The following BAG2 variants were observed in gnomAD, a reference collection of about 807,000 sequenced individuals.
BAG2 encodes the protein BAG family molecular chaperone regulator 2.
In BAG2, 8 loss-of-function variants were observed where a neutral mutation model predicts 16.4. That is an observed-to-expected ratio of 0.49 (90% CI 0.29 to 0.88). BAG2 has a LOEUF of 0.88. BAG2 is among the 40% of genes least tolerant of loss of function. The pLI is 0.09. For synonymous variants in BAG2, 82 were observed against 89.2 expected (o/e 0.92, Z 0.46); for missense variants, 218 against 248.9 (o/e 0.88, Z 0.84).
Position 57,188,189 on chromosome 6 carries a change from A to G in BAG2, c.*3999A>G, listed in dbSNP as rs1279558840. On this transcript the variant is annotated 3_prime_UTR_variant, in exon 3 of 3. Transcript: ENST00000370693. ...ATTTAAGAGAATGAAGGGTCTTGGA[A>G]AAAAAATGTCAATTTTTGAAGGCTT... is the stretch of plus-strand genomic sequence containing the variant. 1 of 152,120 alleles carries G rather than the reference A, an allele frequency of 6.6e-6. No individual in the cohort carries two copies. Among genetic ancestry groups the G allele is most frequent in the Non-Finnish European group, 1.5e-5 (1 of 68,000 alleles). The allele number at this position is 152,120 out of a possible 1,614,324, so 9.4% of individuals were successfully genotyped here.
chr6:57,176,237 T>C (rs1351162865), intron 1 of BAG2, among the ~76,000 whole-genome samples: 1 of 152,192 alleles, frequency 6.6e-6, no homozygotes, highest in Non-Finnish European at 1.5e-5. Context: ...AAATTGAGGC[T>C]TAGAAGCTTA....
rs1298298660 is a variant in BAG2 at position 57,188,589 on chromosome 6, G to A, written c.*4399G>A. The A allele has an allele frequency of 6.6e-6, 1 of 152,142 alleles. No homozygotes were observed. Among genetic ancestry groups the A allele is most frequent in the African/African-American group, 2.4e-5 (1 of 41,440 alleles). 9.4% of individuals were successfully genotyped at this position (152,142 alleles called of 1,614,324 possible). A position where few individuals can be genotyped will look rare whatever the true frequency, so the allele number is the denominator to read the frequency against. ...CAAAAATTAAAGAGGAGAGTAGAGAGTAGAAAATTGAAGAGAGTAGAAAAG... is the reference window on the plus strand; with the variant it reads ...CAAAAATTAAAGAGGAGAGTAGAGAATAGAAAATTGAAGAGAGTAGAAAAG... On this transcript the variant is annotated 3_prime_UTR_variant, in exon 3 of 3. Transcript: ENST00000370693.
chr6:57,173,710 T>C (rs1764196074), intron 1 of BAG2: 1 of 210,998 alleles, frequency 4.7e-6, no homozygotes, highest in Non-Finnish European at 8.2e-6. Flanking sequence ...TGAGCAGGTG[T>C]AGTTAAAAGA....
Position 57,184,335 on chromosome 6 carries a change from A to G in BAG2, c.*145A>G. 1 of 710,164 alleles carries G rather than the reference A, an allele frequency of 1.4e-6. No homozygotes were observed. Among genetic ancestry groups the G allele is most frequent in the Non-Finnish European group, 2.0e-6 (1 of 492,024 alleles). The allele number at this position is 710,164 out of a possible 1,614,324, so 44.0% of individuals were successfully genotyped here. ...AGATGAGGAAAATATTCCATCAAGT[A>G]TCTTCAGTTTTGTGAATAACAAAAC... is the stretch of plus-strand genomic sequence containing the variant. On this transcript the variant is annotated 3_prime_UTR_variant, in exon 3 of 3. Transcript: ENST00000370693.
At chr6:57,179,016 C>T (rs576568121) in intron 1 of BAG2, among the ~76,000 whole-genome samples, 5 of 152,142 alleles carry the variant, frequency 3.3e-5, no homozygotes, top group Non-Finnish European at 5.9e-5. Flanking sequence ...GAATACAAAC[C>T]GAAAAGGTGT....
At position 57,173,307 on chromosome 6, in the gene BAG2, AAC is replaced by A. The variant is rs558435376; in HGVS notation, c.113+499_113+500del. ...CTTGCTTCAGAACAAAAATGAATAA[AAC>A]AAAACCAACCCAGCAATCCATTGAG... On this transcript the variant is annotated intron_variant, in intron 1 of 2. Coordinates refer to ENST00000370693, the MANE Select transcript of BAG2 (RefSeq NM_004282.4). 1.9e-5 allele frequency: 19 copies of A among 985,520 alleles called. No individual in the cohort carries two copies. In the East Asian group the frequency reaches 1.9e-3, roughly 100 times the overall value. The allele number at this position is 985,520 out of a possible 1,614,324, so 61.0% of individuals were successfully genotyped here.
Position 57,183,830 on chromosome 6 carries a change from C to A in BAG2, c.276C>A (p.Leu92=). 1 of 1,609,966 alleles carries A rather than the reference C, an allele frequency of 6.2e-7. No homozygotes were observed. Among genetic ancestry groups the A allele is most frequent in the Non-Finnish European group, 8.5e-7 (1 of 1,178,664 alleles). The change falls in exon 3 of 3, where the codon CTC becomes CTA. Residue 92 remains leucine (L), a synonymous_variant. Transcript: ENST00000370693. ...CAAACCGTTTGATGGGAAGAACTCT[C>A]ACCGTTGAAGTGTCAGTAGAAACAA... ...LTANRLMGRT[L]TVEVSVETIR...
At position 57,185,281 on chromosome 6, in the gene BAG2, T is replaced by TG. The variant is rs1764590554; in HGVS notation, c.*1091_*1092insG. The TG allele has an allele frequency of 1.3e-5, 2 of 152,202 alleles. No homozygotes were observed. Among genetic ancestry groups the TG allele is most frequent in the South Asian group, 4.1e-4 (2 of 4,828 alleles). The allele number at this position is 152,202 out of a possible 1,614,324, so 9.4% of individuals were successfully genotyped here. A position where few individuals can be genotyped will look rare whatever the true frequency, so the allele number is the denominator to read the frequency against. ...TTTACTAAAAAGGTTGACCAGTGTG[T>TG]TGATTCTTCTTTTATCTGATAAAGT... On this transcript the variant is annotated 3_prime_UTR_variant, in exon 3 of 3. Transcript: ENST00000370693.
At chr6:57,174,234 C>T in intron 1 of BAG2, 1 of 1,198,330 alleles carries the variant, frequency 8.3e-7, no homozygotes, top group Non-Finnish European at 1.1e-6. Flanking sequence ...CACATCTCTC[C>T]ATGTCTTCAG....
At position 57,172,515 on chromosome 6, in the gene BAG2, C is replaced by A. The variant is rs570102176; in HGVS notation, c.-183C>A. On this transcript the variant is annotated 5_prime_UTR_variant, in exon 1 of 3. It adds an upstream start codon to the 5' untranslated region. Coordinates refer to ENST00000370693, the MANE Select transcript of BAG2 (RefSeq NM_004282.4). ...TCCCCGAGCCCCGCGGGCGCCGCGC[C>A]TGCCCTTCTTTGGCTACGCTGCAGC... 4.4e-6 allele frequency: 2 copies of A among 457,466 alleles called. No homozygotes were observed. Among genetic ancestry groups the A allele is most frequent in the Admixed American group, 4.6e-5 (1 of 21,778 alleles). 28.3% of individuals were successfully genotyped at this position (457,466 alleles called of 1,614,324 possible).
In BAG2 at chr6:57,188,613, A is replaced by AGAT. The variant is rs1201671651; in HGVS notation, c.*4426_*4428dup. On this transcript the variant is annotated 3_prime_UTR_variant, in exon 3 of 3. Transcript: ENST00000370693. Reference sequence around the variant, plus strand: ...AGTAGAAAATTGAAGAGAGTAGAAAAGATGACTCATTAGCAGTATCCACTG... The same window carrying AGAT: ...AGTAGAAAATTGAAGAGAGTAGAAAAGATGATGACTCATTAGCAGTATCCACTG... The AGAT allele has an allele frequency of 1.3e-5, 2 of 152,134 alleles. No individual in the cohort carries two copies. Among genetic ancestry groups the AGAT allele is most frequent in the African/African-American group, 2.4e-5 (1 of 41,422 alleles). The allele number at this position is 152,134 out of a possible 1,614,324, so 9.4% of individuals were successfully genotyped here. A position where few individuals can be genotyped will look rare whatever the true frequency, so the allele number is the denominator to read the frequency against.
Position 57,172,693 on chromosome 6 carries a change from C to T in BAG2, c.-5C>T. The T allele has an allele frequency of 1.3e-6, 2 of 1,551,644 alleles. No homozygotes were observed. Among genetic ancestry groups the T allele is most frequent in the Non-Finnish European group, 1.7e-6 (2 of 1,151,122 alleles). ...CCTCTTGGCTACCCCGCGTCGGAGG[C>T]TTAGATGGCTCAGGCGAAGATCAAC... On this transcript the variant is annotated 5_prime_UTR_variant, in exon 1 of 3. Transcript: ENST00000370693.
At position 57,184,236 on chromosome 6, in the gene BAG2, G is replaced by T; in HGVS notation, c.*46G>T. 1 of 1,417,036 alleles carries T rather than the reference G, an allele frequency of 7.1e-7. No homozygotes were observed. Among genetic ancestry groups the T allele is most frequent in the South Asian group, 1.9e-5 (1 of 53,192 alleles). The allele number at this position is 1,417,036 out of a possible 1,614,324, so 87.8% of individuals were successfully genotyped here. On this transcript the variant is annotated 3_prime_UTR_variant, in exon 3 of 3. Transcript: ENST00000370693. ...TACACAATACACAAGGTGTAAAAATGATAAAATACTATTTTAATTGATAAC... is the reference window on the plus strand; with the variant it reads ...TACACAATACACAAGGTGTAAAAATTATAAAATACTATTTTAATTGATAAC...
intron 1 of BAG2, among the ~76,000 whole-genome samples, chr6:57,178,708 TA>T (rs1488017195): frequency 1.3e-5 from 2 of 151,976 alleles, no homozygotes; most frequent in Non-Finnish European, 2.9e-5. Context: ...AGAAGTTCTA[TA>T]AATGATGAAA....
chr6:57,184,578 C>G lies in BAG2; in HGVS notation c.*388C>G, dbSNP rs1328046051. 1 of 157,644 alleles carries G rather than the reference C, an allele frequency of 6.3e-6. No individual in the cohort carries two copies. Among genetic ancestry groups the G allele is most frequent in the Non-Finnish European group, 1.4e-5 (1 of 71,526 alleles). 9.8% of individuals were successfully genotyped at this position (157,644 alleles called of 1,614,324 possible). On this transcript the variant is annotated 3_prime_UTR_variant, in exon 3 of 3. Transcript: ENST00000370693. ...TTTACTAGAAATTCTTTACCTTAAG[C>G]AGCACACACATTTACTACACACACA...
intron 2 of BAG2, 143 bp from the exon 3 acceptor site, chr6:57,183,635 C>T (rs889979654): frequency 3.2e-6 from 2 of 617,060 alleles, no homozygotes; most frequent in South Asian, 3.1e-5. Context: ...TACATTTCAT[C>T]AGTTAATCTT....
In BAG2 at chr6:57,187,248, G is replaced by A. The variant is rs543244907; in HGVS notation, c.*3058G>A. On this transcript the variant is annotated 3_prime_UTR_variant, in exon 3 of 3. Transcript: ENST00000370693. The stretch of plus-strand genomic sequence containing the variant: ...ACATCCTACTGTAGATATTTCGAGA[G>A]ACAGATGAAAATAATAATAATAAAG... 6.6e-6 allele frequency: 1 copy of A among 152,194 alleles called. No homozygotes were observed. The highest frequency in any genetic ancestry group is 2.1e-4 in the South Asian group (1 of 4,822). 9.4% of individuals were successfully genotyped at this position (152,194 alleles called of 1,614,324 possible). A position where few individuals can be genotyped will look rare whatever the true frequency, so the allele number is the denominator to read the frequency against.
At position 57,189,488 on chromosome 6, in the gene BAG2, G is replaced by A. The variant is rs1764748419; in HGVS notation, c.*5298G>A. 1.3e-5 allele frequency: 2 copies of A among 152,192 alleles called. No homozygotes were observed. Among genetic ancestry groups the A allele is most frequent in the Admixed American group, 1.3e-4 (2 of 15,278 alleles). The allele number at this position is 152,192 out of a possible 1,614,324, so 9.4% of individuals were successfully genotyped here. A position where few individuals can be genotyped will look rare whatever the true frequency, so the allele number is the denominator to read the frequency against. On this transcript the variant is annotated 3_prime_UTR_variant, in exon 3 of 3. Coordinates refer to ENST00000370693, the MANE Select transcript of BAG2 (RefSeq NM_004282.4). The stretch of plus-strand genomic sequence containing the variant: ...ATCACCACACTTCACAGGACCTCCT[G>A]AATGACTGCAGATGTGCTGTGTACC...
chr6:57,172,370 C>G lies in BAG2; in HGVS notation c.-328C>G, dbSNP rs1764145745. ...TTAGGCGCTCGGTCTCTGCGTCCGC[C>G]CCTCCCGTGCCTCAGAGACTTGCGC... On this transcript the variant is annotated 5_prime_UTR_variant, in exon 1 of 3. Coordinates refer to ENST00000370693, the MANE Select transcript of BAG2 (RefSeq NM_004282.4). 5.6e-6 allele frequency: 1 copy of G among 178,912 alleles called. No individual in the cohort carries two copies. The highest frequency in any genetic ancestry group is 6.3e-5 in the Admixed American group (1 of 15,982). The allele number at this position is 178,912 out of a possible 1,614,324, so 11.1% of individuals were successfully genotyped here.
Sources: allele counts gnomAD v4.1 joint callset (sites outside exome capture counted in the v4.1 genomes callset), GRCh38; gene constraint gnomAD v4.1.1; transcripts MANE v1.5; gene names NCBI Gene and HGNC (gene_info 2026-07-23, HGNC 2026-07-21).